MATN2: variants seen among roughly 807,000 people sequenced by gnomAD.
MATN2 encodes matrilin-2.
In MATN2, 69 loss-of-function variants were observed where a neutral mutation model predicts 103.2. The observed-to-expected ratio is 0.67, with a 90% CI of 0.55 to 0.82. The LOEUF (loss-of-function observed/expected upper bound fraction) is 0.82, where lower values mean the gene tolerates loss of function less well. Among genes scored for constraint, MATN2 ranks in the 40% least tolerant of loss-of-function variants. MATN2 has a pLI of 0.00. For missense variants in MATN2, 1,023 were observed against 1,211.5 expected, an observed-to-expected ratio of 0.84 and a Z score of 2.31; for synonymous variants, 429 against 450.2, an observed-to-expected ratio of 0.95 and a Z score of 0.60.
In MATN2 at chr8:97,874,406, C is replaced by CT. The variant is rs1554596747; in HGVS notation, c.-27+5132dup. On this transcript the variant is annotated intron_variant, in intron 1 of 18. Transcript: ENST00000254898. The stretch of plus-strand genomic sequence containing the variant: ...CTGCCTTCCTCTTCTTCTTCTTCTT[C>CT]TTTTTTTTTTTTTGTTTGAGACAAG... Among the ~76,000 whole-genome samples the CT allele has an allele frequency of 1.6e-3, 213 of 136,086 alleles. 1 individual carries two copies. The highest frequency in any genetic ancestry group is 3.4e-3 in the African/African-American group (127 of 37,782). The allele number at this position is 136,086 out of a possible 152,430, so 89.3% of individuals were successfully genotyped here.
chr8:98,017,929 C>T, intron 11 of MATN2, 65 bp from the exon 12 acceptor site: 1 of 1,590,198 alleles, frequency 6.3e-7, no homozygotes, highest in South Asian at 1.1e-5. Context: ...GATGGGTCCT[C>T]CAAGGTGAAG....
In MATN2 at chr8:98,007,275, T is replaced by C. The variant is rs1352048258; in HGVS notation, c.1450+48T>C. On this transcript the variant is annotated intron_variant, in intron 9 of 18. Coordinates refer to ENST00000254898, the MANE Select transcript of MATN2 (RefSeq NM_002380.5). The surrounding 1 kb of genome is among the most constrained non-coding windows in gnomAD (Gnocchi z 4.2). ...CATAGGGGAAGGTTTGCACCAGGAG[T>C]GAAACCTATGTGACTGCAGAGGGCA... 2 of 1,610,558 alleles carry C rather than the reference T, an allele frequency of 1.2e-6. No homozygotes were observed. Among genetic ancestry groups the C allele is most frequent in the Non-Finnish European group, 1.7e-6 (2 of 1,178,176 alleles).
chr8:98,026,251 ATT>A (rs201197153), intron 13 of MATN2, among the ~76,000 whole-genome samples: 1 of 142,678 alleles, frequency 7.0e-6, no homozygotes, highest in Non-Finnish European at 1.5e-5. Context: ...TTTTTTTTTA[ATT>A]TTGTTTTTTT....
At chr8:97,869,645 G>T (rs1817828486) in intron 1 of MATN2, among the ~76,000 whole-genome samples, 1 of 152,238 alleles carries the variant, frequency 6.6e-6, no homozygotes, top group African/African-American at 2.4e-5. Context: ...TGTTGAGCGG[G>T]TATGCAGGGT....
At chr8:97,875,543 C>G (rs973540889) in intron 1 of MATN2, among the ~76,000 whole-genome samples, 1 of 152,110 alleles carries the variant, frequency 6.6e-6, no homozygotes, top group Non-Finnish European at 1.5e-5. Flanking sequence ...GCACCCATAG[C>G]CCCCTTTGGA....
At chr8:97,949,985 A>C (rs1810889727) in intron 4 of MATN2, among the ~76,000 whole-genome samples, 1 of 152,198 alleles carries the variant, frequency 6.6e-6, no homozygotes, top group Non-Finnish European at 1.5e-5. Context: ...AGAGCAGATT[A>C]GTGGGTGCTT....
rs1230527109 is a variant in MATN2, at chr8:97,982,073, G to A, written c.1081+3065G>A. ...AGAGTGCTGGGAGACTGGAGGGTTC[G>A]TGCAGGCAGCCTCAGGGCAGTACAT... is the stretch of plus-strand genomic sequence containing the variant. On this transcript the variant is annotated intron_variant, in intron 6 of 18. Coordinates refer to ENST00000254898, the MANE Select transcript of MATN2 (RefSeq NM_002380.5). The surrounding 1 kb of genome is among the most constrained non-coding windows in gnomAD (Gnocchi z 4.3). Among the ~76,000 whole-genome samples the A allele has an allele frequency of 3.3e-5, 5 of 152,174 alleles. No homozygotes were observed. Among genetic ancestry groups the A allele is most frequent in the South Asian group, 2.1e-4 (1 of 4,830 alleles).
At chr8:98,016,733 G>A (rs1813375926) in intron 11 of MATN2, 71 bp downstream of exon 11, 5 of 1,542,634 alleles carry the variant, frequency 3.2e-6, no homozygotes, top group Non-Finnish European at 3.5e-6. Context: ...CCTTATCTCT[G>A]TATATATCAG....
intron 4 of MATN2, among the ~76,000 whole-genome samples, chr8:97,953,643 G>A (rs1255673124): frequency 2.0e-5 from 3 of 152,236 alleles, no homozygotes; most frequent in South Asian, 2.1e-4. Flanking sequence ...AAAATTAGGC[G>A]GGCATGGTGG....
chr8:98,000,009 T>A (rs927497424), intron 7 of MATN2, among the ~76,000 whole-genome samples: 16 of 152,062 alleles, frequency 1.1e-4, no homozygotes, highest in African/African-American at 3.6e-4. Flanking sequence ...GCTTCCCAAG[T>A]AGCTGGGACT....
In MATN2 at chr8:97,922,803, C is replaced by A. The variant is rs59710228; in HGVS notation, c.143-8150C>A. Reference sequence around the variant, plus strand: ...CTCTCTCAGCATGTATCATTAGAGACCTCCTTCCAGACTGGCTTGATCTGT... The same window carrying A: ...CTCTCTCAGCATGTATCATTAGAGAACTCCTTCCAGACTGGCTTGATCTGT... On this transcript the variant is annotated intron_variant, in intron 2 of 18. Coordinates refer to ENST00000254898, the MANE Select transcript of MATN2 (RefSeq NM_002380.5). Among the ~76,000 whole-genome samples the A allele has an allele frequency of 7.1e-3, 1,087 of 152,290 alleles. 14 individuals are homozygous for A. Among genetic ancestry groups the A allele is most frequent in the African/African-American group, 0.024 (1,010 of 41,560 alleles).
intron 2 of MATN2, among the ~76,000 whole-genome samples, chr8:97,912,943 A>G (rs1364779861): frequency 2.0e-5 from 3 of 152,150 alleles, no homozygotes; most frequent in African/African-American, 7.2e-5. Context: ...TCGGTTATAT[A>G]GTTGTTGGAA....
intron 13 of MATN2, chr8:98,025,104 C>A (rs1813739737): frequency 6.6e-6 from 1 of 152,194 alleles, no homozygotes; most frequent in Non-Finnish European, 1.5e-5. Flanking sequence ...CACATGCATG[C>A]TGCCTGAGTC....
intron 14 of MATN2, among the ~76,000 whole-genome samples, chr8:98,028,128 G>A (rs1021770241): frequency 6.6e-6 from 1 of 152,136 alleles, no homozygotes; most frequent in African/African-American, 2.4e-5. Flanking sequence ...TGTAAGAATC[G>A]CCTAGATATA....
chr8:97,947,470 C>T (rs1311770810), intron 4 of MATN2, among the ~76,000 whole-genome samples: 3 of 152,140 alleles, frequency 2.0e-5, no homozygotes, highest in Admixed American at 6.5e-5. Context: ...TATTTCTGTA[C>T]ACTGGCAACA....
intron 3 of MATN2, among the ~76,000 whole-genome samples, chr8:97,939,430 T>A (rs1462522251): frequency 1.3e-5 from 2 of 152,174 alleles, no homozygotes; most frequent in Middle Eastern, 3.2e-3. Context: ...AAAAGGATGC[T>A]TGTTCACAGA....
chr8:98,033,599 GA>G lies in MATN2; in HGVS notation c.2759del (p.Asn920ThrfsTer3). The G allele has an allele frequency of 6.2e-7, 1 of 1,606,130 alleles. No homozygotes were observed. Among genetic ancestry groups the G allele is most frequent in the Admixed American group, 1.7e-5 (1 of 58,814 alleles). On this transcript the variant is annotated frameshift_variant, in exon 18 of 19. Transcript: ENST00000254898. LOFTEE classifies it high-confidence loss of function. ...AGAAAAACACGATCAATGCAAATGT[GA>G]AAACCTTATAATGTTCCAGAACCTT... ...LEEKHDQCKC[E>X]NLIMFQNLAN...
intron 2 of MATN2, among the ~76,000 whole-genome samples, chr8:97,897,241 C>T (rs767070162): frequency 6.6e-6 from 1 of 152,152 alleles, no homozygotes; most frequent in Non-Finnish European, 1.5e-5. Context: ...GAGAAACCTA[C>T]AAGGTTGGGT....
At chr8:98,009,154 G>T (rs1318032403) in intron 10 of MATN2, among the ~76,000 whole-genome samples, 1 of 152,202 alleles carries the variant, frequency 6.6e-6, no homozygotes, top group African/African-American at 2.4e-5. Flanking sequence ...AGATAAGTGA[G>T]AATTGTCCTC....
Sources: gnomAD v4.1 joint callset for allele counts (sites outside exome capture counted in the v4.1 genomes callset) on GRCh38, gnomAD v4.1.1 for gene constraint, Gnocchi (gnomAD v3.1) non-coding constraint, MANE v1.5 for transcripts, NCBI Gene and HGNC (gene_info 2026-07-23, HGNC 2026-07-21) for gene names.